The following AXIN2 variants were observed in gnomAD, a reference collection of about 807,000 sequenced individuals.
AXIN2 encodes axin 2.
A neutral mutation model predicts 74.7 loss-of-function variants in AXIN2; 21 were observed. That is an observed-to-expected ratio of 0.28 (90% CI 0.20 to 0.40). The LOEUF is 0.40. AXIN2 is among the 10% of genes least tolerant of loss of function. The probability of loss-of-function intolerance (pLI) is 1.00; values close to 1 mark genes in which losing one functional copy is unlikely to be tolerated. For missense variants in AXIN2, 1,144 were observed against 1,111.1 expected, an observed-to-expected ratio of 1.03 and a Z score of -0.42; for synonymous variants, 532 against 454.9, an observed-to-expected ratio of 1.17 and a Z score of -2.16.
rs768793839 is a variant in AXIN2, at chr17:65,530,021, C to T, written c.2487G>A (p.Pro829=). ...TGCCCAGAATCCGGCCTTCATACAT[C>T]GGGAGCACCGTCTCATCCTCCCAGA... The part of the protein sequence containing the change: ...EEIWEDETVL[P]MYEGRILGKV... Residue 829 remains proline, a synonymous_variant, in exon 11 of 11, where the codon CCG becomes CCA. Transcript: ENST00000307078. 6 of 1,614,082 alleles carry T rather than the reference C, an allele frequency of 3.7e-6. No individual in the cohort carries two copies. The highest frequency in any genetic ancestry group is 2.2e-5 in the South Asian group (2 of 91,082).
intron 3 of AXIN2, among the ~76,000 whole-genome samples, chr17:65,544,049 T>A (rs2044081362): frequency 6.6e-6 from 1 of 152,120 alleles, no homozygotes; most frequent in Non-Finnish European, 1.5e-5. Context: ...TGACTCTGCT[T>A]CAGCCCTGTT....
intron 10 of AXIN2, among the ~76,000 whole-genome samples, chr17:65,531,497 G>T (rs1430846205): frequency 6.6e-6 from 1 of 151,798 alleles, no homozygotes; most frequent in Non-Finnish European, 1.5e-5. Flanking sequence ...ACAGTGGGGG[G>T]AAAAGTCACT....
intron 3 of AXIN2, among the ~76,000 whole-genome samples, chr17:65,547,432 C>T (rs2044133434): frequency 6.6e-6 from 1 of 152,156 alleles, no homozygotes; most frequent in African/African-American, 2.4e-5. Context: ...GCTGTGGAAG[C>T]ACCAGGCCTT....
chr17:65,538,026 A>C (rs2043969604), intron 5 of AXIN2, 177 bp downstream of exon 5: 4 of 1,354,156 alleles, frequency 3.0e-6, no homozygotes, highest in Admixed American at 2.0e-5. Context: ...ACCCACACGC[A>C]ACCCATGCAC....
intron 5 of AXIN2, 38 bp from the exon 6 acceptor site, chr17:65,537,873 A>C (rs1567756754): frequency 6.6e-7 from 1 of 1,511,188 alleles, no homozygotes; most frequent in Non-Finnish European, 8.9e-7. Context: ...GTGACCCAGG[A>C]AGCAGAAGGG....
chr17:65,543,530 CTCA>C (rs1281612581), intron 3 of AXIN2, among the ~76,000 whole-genome samples: 1 of 152,200 alleles, frequency 6.6e-6, no homozygotes, highest in East Asian at 1.9e-4. Flanking sequence ...AGACTTCATT[CTCA>C]TAAGAACCTT....
Position 65,537,307 on chromosome 17 carries a change from G to T in AXIN2, c.1712+17C>A. 6.2e-7 allele frequency: 1 copy of T among 1,613,732 alleles called. No homozygotes were observed. The highest frequency in any genetic ancestry group is 8.5e-7 in the Non-Finnish European group (1 of 1,180,022). ...GACAAGCCCCACACGGGACACTGCG[G>T]TCCGCCCGGCACTTACCCAAACTGC... On this transcript the variant is annotated intron_variant, in intron 6 of 10. Transcript: ENST00000307078.
At chr17:65,560,467 C>G (rs1240507664) in intron 1 of AXIN2, 1 of 151,824 alleles carries the variant, frequency 6.6e-6, no homozygotes, top group Non-Finnish European at 1.5e-5. Flanking sequence ...ACCCTTTCAT[C>G]CCACCTCCCA....
intron 10 of AXIN2, among the ~76,000 whole-genome samples, chr17:65,530,446 G>C (rs928146098): frequency 6.6e-6 from 1 of 152,194 alleles, no homozygotes; most frequent in African/African-American, 2.4e-5. Context: ...CAGTGGGGTG[G>C]GGGAGGGAAG....
intron 1 of AXIN2, chr17:65,560,923 C>T (rs1319380530): frequency 1.4e-5 from 2 of 147,694 alleles, no homozygotes; most frequent in Non-Finnish European, 3.0e-5. Context: ...CAGCCCCGGG[C>T]CCCCCCGGGC....
At chr17:65,550,563 TAAGGCCTG>T (rs1488094528) in intron 2 of AXIN2, among the ~76,000 whole-genome samples, 16 of 152,150 alleles carry the variant, frequency 1.1e-4, no homozygotes, top group Non-Finnish European at 2.4e-4. Context: ...GGCTGCACGT[TAAGGCCTG>T]AAGTCGCAGG....
intron 3 of AXIN2, among the ~76,000 whole-genome samples, chr17:65,547,504 G>A (rs899622610): frequency 3.9e-5 from 6 of 152,124 alleles, no homozygotes; most frequent in Non-Finnish European, 8.8e-5. Context: ...GGTCTTGGGA[G>A]GATCAAACAG....
At chr17:65,531,629 G>T (rs993043910) in intron 10 of AXIN2, among the ~76,000 whole-genome samples, 1 of 152,026 alleles carries the variant, frequency 6.6e-6, no homozygotes, top group South Asian at 2.1e-4. Context: ...AACACGCAGC[G>T]ACCTTTTACA....
At chr17:65,538,048 G>GCCCACGCCCAGGCACACAC in intron 5 of AXIN2, 155 bp downstream of exon 5, 2 of 1,420,528 alleles carry the variant, frequency 1.4e-6, no homozygotes, top group Non-Finnish European at 1.9e-6. Flanking sequence ...TGCGCACACA[G>GCCCACGCCCAGGCACACAC]CCCACGCCCA....
chr17:65,537,695 G>C lies in AXIN2; in HGVS notation c.1341C>G (p.Leu447=). Reference sequence around the variant, plus strand: ...CTGGAGACTGGCAGCCAGGGGTCTTGAGGACCCTGGACAGGTGATCGTCCA... The same window carrying C: ...CTGGAGACTGGCAGCCAGGGGTCTTCAGGACCCTGGACAGGTGATCGTCCA... ...TILDDHLSRV[L]KTPGCQSPGV... Residue 447 remains leucine (L), a synonymous_variant, in exon 6 of 11, where the codon CTC becomes CTG. Coordinates refer to ENST00000307078, the MANE Select transcript of AXIN2 (RefSeq NM_004655.4). 1 of 1,556,962 alleles carries C rather than the reference G, an allele frequency of 6.4e-7. No individual in the cohort carries two copies. Among genetic ancestry groups the C allele is most frequent in the South Asian group, 1.2e-5 (1 of 85,536 alleles).
At chr17:65,550,047 C>T (rs1276878510) in intron 2 of AXIN2, among the ~76,000 whole-genome samples, 1 of 152,170 alleles carries the variant, frequency 6.6e-6, no homozygotes, top group African/African-American at 2.4e-5. Flanking sequence ...TTCTCTGCTC[C>T]ACCTCCCTAT....
At chr17:65,549,410 G>T in intron 3 of AXIN2, 110 bp downstream of exon 3, 1 of 1,360,066 alleles carries the variant, frequency 7.4e-7, no homozygotes, top group Non-Finnish European at 1.0e-6. Flanking sequence ...GTCCATACAT[G>T]CACAGGTGCG....
At chr17:65,557,102 C>G (rs1428764662) in intron 2 of AXIN2, among the ~76,000 whole-genome samples, 1 of 152,186 alleles carries the variant, frequency 6.6e-6, no homozygotes, top group Non-Finnish European at 1.5e-5. Context: ...TCTTCTCCAT[C>G]AGCACTAACA....
chr17:65,543,456 A>C (rs1330340745), intron 3 of AXIN2, among the ~76,000 whole-genome samples: 2 of 152,212 alleles, frequency 1.3e-5, no homozygotes, highest in African/African-American at 4.8e-5. Context: ...ACTGATGCCA[A>C]CCTGAGAATG....
Sources: allele counts gnomAD v4.1 joint callset (sites outside exome capture counted in the v4.1 genomes callset), GRCh38; gene constraint gnomAD v4.1.1; transcripts MANE v1.5; gene names NCBI Gene and HGNC (gene_info 2026-07-23, HGNC 2026-07-21).